The following ELAVL2 variants were observed in gnomAD, a reference collection of about 807,000 sequenced individuals.
ELAVL2 encodes the protein ELAV-like protein 2.
In ELAVL2, 4 loss-of-function variants were observed where a neutral mutation model predicts 34.6. The observed-to-expected ratio is 0.12, with a 90% CI of 0.06 to 0.26. The LOEUF (loss-of-function observed/expected upper bound fraction) is 0.26, where lower values mean the gene tolerates loss of function less well. ELAVL2 is among the 10% of genes least tolerant of loss of function. ELAVL2 has a pLI of 1.00. For synonymous variants in ELAVL2, 193 were observed against 154.8 expected, an observed-to-expected ratio of 1.25 and a Z score of -1.83; for missense variants, 432 against 442.8, an observed-to-expected ratio of 0.98 and a Z score of 0.22.
intron 1 of ELAVL2, among the ~76,000 whole-genome samples, chr9:23,815,580 T>C (rs2063590564): frequency 2.0e-5 from 3 of 152,240 alleles, no homozygotes; most frequent in African/African-American, 7.2e-5. Flanking sequence ...CAATGTCATT[T>C]CATTGTCAAA....
At chr9:23,726,862 G>A (rs994296285) in intron 3 of ELAVL2, among the ~76,000 whole-genome samples, 7 of 151,998 alleles carry the variant, frequency 4.6e-5, no homozygotes, top group Non-Finnish European at 4.4e-5. Context: ...AGTAGAGAAA[G>A]AGCATGAAGA....
At chr9:23,773,916 A>C (rs1420527295) in intron 1 of ELAVL2, among the ~76,000 whole-genome samples, 1 of 152,060 alleles carries the variant, frequency 6.6e-6, no homozygotes, top group African/African-American at 2.4e-5. Context: ...TAGCATAGAA[A>C]ATTTGCTTAT....
chr9:23,831,334 C>G (rs2065494813), upstream of ELAVL2: 1 of 152,514 alleles, frequency 6.6e-6, no homozygotes, highest in African/African-American at 2.4e-5. Flanking sequence ...TCCTCCCCCT[C>G]TCACTCTCCT....
chr9:23,795,478 G>A (rs1289147938), intron 1 of ELAVL2, among the ~76,000 whole-genome samples: 1 of 152,144 alleles, frequency 6.6e-6, no homozygotes, highest in East Asian at 1.9e-4. Context: ...GGGAGGCGGA[G>A]GCTGCAGTGA....
chr9:23,756,584 A>G (rs2053610179), intron 2 of ELAVL2, among the ~76,000 whole-genome samples: 1 of 152,174 alleles, frequency 6.6e-6, no homozygotes, highest in African/African-American at 2.4e-5. Context: ...ACATGCTCGC[A>G]CACGTGCTTT....
intron 1 of ELAVL2, among the ~76,000 whole-genome samples, chr9:23,772,246 G>C (rs1012737843): frequency 6.6e-5 from 10 of 152,060 alleles, no homozygotes; most frequent in Admixed American, 4.6e-4. Context: ...CAGTAGTTGA[G>C]TGTTTTCATT....
chr9:23,805,628 C>G (rs2062113871), intron 1 of ELAVL2, among the ~76,000 whole-genome samples: 1 of 152,176 alleles, frequency 6.6e-6, no homozygotes, highest in African/African-American at 2.4e-5. Context: ...GAGAACCTGG[C>G]CCAATAACGC....
At chr9:23,825,233 C>G (rs989663503) in intron 1 of ELAVL2, among the ~76,000 whole-genome samples, 1 of 152,200 alleles carries the variant, frequency 6.6e-6, no homozygotes, top group Admixed American at 6.5e-5. Flanking sequence ...CCAGCCCCAG[C>G]CCCAGCCCTC....
At chr9:23,730,963 A>T (rs1276040340) in intron 3 of ELAVL2, 59 bp downstream of exon 3, 4 of 1,479,354 alleles carry the variant, frequency 2.7e-6, no homozygotes, top group South Asian at 1.2e-5. Context: ...ACTACAAATA[A>T]ATCTTAATTT....
chr9:23,802,528 T>G (rs930954729), intron 1 of ELAVL2, among the ~76,000 whole-genome samples: 1 of 152,124 alleles, frequency 6.6e-6, no homozygotes, highest in African/African-American at 2.4e-5. Flanking sequence ...GACTGCCCAC[T>G]CCTCCCTACA....
intron 3 of ELAVL2, among the ~76,000 whole-genome samples, chr9:23,705,413 ACAAC>A (rs1563974749): frequency 6.6e-6 from 1 of 152,234 alleles, no homozygotes; most frequent in African/African-American, 2.4e-5. Flanking sequence ...TAGTGATTCA[ACAAC>A]TGCCTGCTCA....
chr9:23,759,587 AT>A (rs1340251704), intron 2 of ELAVL2, among the ~76,000 whole-genome samples: 1 of 151,384 alleles, frequency 6.6e-6, no homozygotes, highest in East Asian at 1.9e-4. Context: ...AATGTTTGAG[AT>A]TTGGAAATGC....
chr9:23,763,086 T>C lies in ELAVL2; in HGVS notation c.-15-837A>G, dbSNP rs777689388. Among the ~76,000 whole-genome samples, 6 of 152,092 alleles carry C rather than the reference T, an allele frequency of 3.9e-5. 2 individuals are homozygous for C. The highest frequency in any genetic ancestry group is 4.1e-4 in the South Asian group (2 of 4,824). The stretch of plus-strand genomic sequence containing the variant: ...TTTTAATGAGAAAAAAGAAAACCTA[T>C]CCAGTCAATGAAAACAACAATGTAA... On this transcript the variant is annotated intron_variant, in intron 1 of 6. Transcript: ENST00000397312.
At chr9:23,812,243 T>C (rs1433011757) in intron 1 of ELAVL2, among the ~76,000 whole-genome samples, 2 of 152,148 alleles carry the variant, frequency 1.3e-5, no homozygotes, top group South Asian at 2.1e-4. Context: ...TAATTTGTGA[T>C]GAAACAATAA....
intron 1 of ELAVL2, among the ~76,000 whole-genome samples, chr9:23,819,949 A>G (rs1420444197): frequency 5.3e-5 from 8 of 152,126 alleles, no homozygotes; most frequent in Non-Finnish European, 1.0e-4. Flanking sequence ...CATCCCTACA[A>G]ACCTCCTATA....
chr9:23,725,615 A>G (rs2044916527), intron 3 of ELAVL2, among the ~76,000 whole-genome samples: 1 of 152,168 alleles, frequency 6.6e-6, no homozygotes. Context: ...AGAACAAATT[A>G]TAATGATAAA....
intron 3 of ELAVL2, among the ~76,000 whole-genome samples, chr9:23,716,947 A>C (rs2042459543): frequency 6.6e-6 from 1 of 152,196 alleles, no homozygotes; most frequent in African/African-American, 2.4e-5. Context: ...TCAGGGCAAA[A>C]CTTTTATGAG....
chr9:23,748,157 G>T (rs1054748799), intron 2 of ELAVL2, among the ~76,000 whole-genome samples: 35 of 151,368 alleles, frequency 2.3e-4, no homozygotes, highest in Non-Finnish European at 4.4e-5. Flanking sequence ...TATATTGATG[G>T]GGGGCTTCCT....
At position 23,692,550 on chromosome 9, in the gene ELAVL2, G is replaced by A. The variant is rs549353885; in HGVS notation, c.*7C>T. 2.5e-6 allele frequency: 4 copies of A among 1,607,482 alleles called. No homozygotes were observed. Among genetic ancestry groups the A allele is most frequent in the East Asian group, 2.2e-5 (1 of 44,728 alleles). ...TCATATATAAATGGACTGAGGACAA[G>A]AGCTCATTAGGCTTTGTGCGTTTTG... is the stretch of plus-strand genomic sequence containing the variant. On this transcript the variant is annotated 3_prime_UTR_variant, in exon 7 of 7. Transcript: ENST00000397312.
Sources: gnomAD v4.1 joint callset for allele counts (sites outside exome capture counted in the v4.1 genomes callset) on GRCh38, gnomAD v4.1.1 for gene constraint, MANE v1.5 for transcripts, NCBI Gene and HGNC (gene_info 2026-07-23, HGNC 2026-07-21) for gene names.